ZNF721: variants seen among roughly 807,000 people sequenced by gnomAD.
ZNF721 encodes zinc finger protein 721.
In ZNF721, 2 loss-of-function variants were observed where a neutral mutation model predicts 2.4. The observed-to-expected ratio is 0.82, with a 90% CI of 0.34 to 2.58. ZNF721 has a LOEUF of 2.58. Among genes scored for constraint, ZNF721 ranks in the 30% most tolerant of loss-of-function variants. The pLI, the probability that ZNF721 is intolerant of heterozygous loss-of-function variation, is 0.11. For missense variants in ZNF721, 1,187 were observed against 1,085.5 expected, an observed-to-expected ratio of 1.09 and a Z score of -1.31; for synonymous variants, 398 against 381.8, an observed-to-expected ratio of 1.04 and a Z score of -0.50.
At chr4:479,449 A>G (rs1174826859) in intron 1 of ZNF721, among the ~76,000 whole-genome samples, 2 of 152,220 alleles carry the variant, frequency 1.3e-5, no homozygotes, top group Admixed American at 1.3e-4. Context: ...AGAGGCACAG[A>G]AACAGCACAG....
At position 450,948 on chromosome 4, in the gene ZNF721, AAAAAAAAAATATATATAT is replaced by A. The variant is rs1216789445; in HGVS notation, c.35-6534_35-6517del. On this transcript the variant is annotated intron_variant, in intron 2 of 2. Transcript: ENST00000511833. Reference sequence around the variant, plus strand: ...CAAGACTCTGTCTCCAAAAAAAAAAAAAAAAAAAATATATATATATATATATATATATATATATATATA... The same window carrying A: ...CAAGACTCTGTCTCCAAAAAAAAAAAATATATATATATATATATATATATA... 2.1e-3 allele frequency among the ~76,000 whole-genome samples: 98 copies of A among 46,390 alleles called. 5 individuals carry two copies. Among genetic ancestry groups the A allele is most frequent in the Admixed American group, 8.1e-3 (29 of 3,560 alleles). The allele number at this position is 46,390 out of a possible 152,430, so 30.4% of individuals were successfully genotyped here.
At chr4:468,819 G>T (rs1682748480) in intron 2 of ZNF721, among the ~76,000 whole-genome samples, 1 of 152,168 alleles carries the variant, frequency 6.6e-6, no homozygotes, top group South Asian at 2.1e-4. Context: ...CAGACACAGG[G>T]CTGCTTCAGG....
intron 2 of ZNF721, among the ~76,000 whole-genome samples, chr4:446,151 C>G (rs1206377941): frequency 6.6e-6 from 1 of 151,962 alleles, no homozygotes; most frequent in Non-Finnish European, 1.5e-5. Flanking sequence ...GAAAACCAAA[C>G]ATAATCATAC....
intron 1 of ZNF721, among the ~76,000 whole-genome samples, chr4:493,655 G>T (rs1436511081): frequency 2.7e-5 from 4 of 147,804 alleles, no homozygotes; most frequent in Non-Finnish European, 1.5e-5. Flanking sequence ...CTCCAGTCTG[G>T]GCAACAGAGG....
In ZNF721 at chr4:472,612, A is replaced by T. The variant is rs782820959; in HGVS notation, c.-4T>A. On this transcript the variant is annotated 5_prime_UTR_variant, in exon 2 of 3. The change abolishes an upstream ATG in the 5' untranslated region. Transcript: ENST00000511833. ...GGTTTCTGTAGTTCTCCAACATCAC[A>T]TCTCTATACAAATTCTGCTGGGCAG... 1 of 1,613,954 alleles carries T rather than the reference A, an allele frequency of 6.2e-7. No individual in the cohort carries two copies. The highest frequency in any genetic ancestry group is 8.5e-7 in the Non-Finnish European group (1 of 1,179,990).
chr4:457,703 A>G lies in ZNF721; in HGVS notation c.35-13271T>C, dbSNP rs1560231992. 3.3e-5 allele frequency among the ~76,000 whole-genome samples: 5 copies of G among 152,042 alleles called. 1 individual carries two copies. In the South Asian group the frequency reaches 1.0e-3, roughly 32 times the overall value. On this transcript the variant is annotated intron_variant, in intron 2 of 2. Coordinates refer to ENST00000511833, the MANE Select transcript of ZNF721 (RefSeq NM_133474.4). ...TGCCCCTGGATGTAGACTTGCCAAT[A>G]TTTATTTATGGTGGATCTTGACGTG...
rs782458115 is a variant in ZNF721, at chr4:443,960, T to G, written c.507A>C (p.Glu169Asp). 1.2e-6 allele frequency: 2 copies of G among 1,613,942 alleles called. No homozygotes were observed. Among genetic ancestry groups the G allele is most frequent in the Non-Finnish European group, 1.7e-6 (2 of 1,179,956 alleles). Reference protein sequence around the residue: ...HTGEKPYKCEECGKAFNRSTN... With the variant: ...HTGEKPYKCEDCGKAFNRSTN... ...TTGACCTATTAAAGGCTTTGCCACA[T>G]TCTTCACATTTGTAAGGTTTCTCTC... Residue 169 changes from glutamate (E) to aspartate (D), a missense_variant, in exon 3 of 3, where the codon GAA becomes GAC. Coordinates refer to ENST00000511833, the MANE Select transcript of ZNF721 (RefSeq NM_133474.4).
At chr4:495,633 ACT>A (rs782781977) in intron 1 of ZNF721, among the ~76,000 whole-genome samples, 15 of 151,288 alleles carry the variant, frequency 9.9e-5, no homozygotes, top group African/African-American at 3.2e-4. Context: ...ACGGAATCTC[ACT>A]CTGTTACCAG....
At chr4:467,035 G>A (rs535493476) in intron 2 of ZNF721, among the ~76,000 whole-genome samples, 13 of 152,042 alleles carry the variant, frequency 8.6e-5, no homozygotes, top group Admixed American at 7.2e-4. Flanking sequence ...TGGCTAACAC[G>A]GTGAAACCCC....
Position 440,553 on chromosome 4 carries a change from T to C in ZNF721, c.*1142A>G, listed in dbSNP as rs1410633774. On this transcript the variant is annotated 3_prime_UTR_variant, in exon 3 of 3. Coordinates refer to ENST00000511833, the MANE Select transcript of ZNF721 (RefSeq NM_133474.4). ...GTCTGAAGTGTTAGTTCCTTAGTTC[T>C]TTCTACTGTAAATCCTCTGATGTTT... The C allele has an allele frequency of 7.2e-5, 11 of 152,248 alleles. No individual in the cohort carries two copies. Among genetic ancestry groups the C allele is most frequent in the Non-Finnish European group, 1.5e-4 (10 of 68,032 alleles). The allele number at this position is 152,248 out of a possible 1,614,324, so 9.4% of individuals were successfully genotyped here.
At chr4:484,511 A>T (rs565296117) in intron 1 of ZNF721, among the ~76,000 whole-genome samples, 2 of 152,358 alleles carry the variant, frequency 1.3e-5, no homozygotes, top group African/African-American at 4.8e-5. Flanking sequence ...TGAATTCTTT[A>T]TCTCAGCAAG....
intron 1 of ZNF721, chr4:474,130 A>T: frequency 2.0e-6 from 2 of 1,008,382 alleles, no homozygotes; most frequent in Non-Finnish European, 2.8e-6. Flanking sequence ...AACCGAGCTC[A>T]GGCTGAAGCA....
intron 2 of ZNF721, 134 bp from the exon 3 acceptor site, chr4:444,566 A>G: frequency 2.2e-6 from 2 of 924,442 alleles, no homozygotes; most frequent in Non-Finnish European, 3.1e-6. Flanking sequence ...TTCTTCACAT[A>G]TACATGTAAC....
chr4:445,605 G>C (rs1381978049), intron 2 of ZNF721, among the ~76,000 whole-genome samples: 2 of 151,944 alleles, frequency 1.3e-5, no homozygotes, highest in African/African-American at 4.8e-5. Context: ...TGCTGAATCA[G>C]TTAACTGAAA....
At chr4:481,530 T>G (rs566881712) in intron 1 of ZNF721, among the ~76,000 whole-genome samples, 3 of 152,310 alleles carry the variant, frequency 2.0e-5, no homozygotes, top group Non-Finnish European at 4.4e-5. Context: ...AGTTATTCAC[T>G]TCTGGCTGTT....
In ZNF721 at chr4:443,700, T is replaced by G. The variant is rs1553863711; in HGVS notation, c.767A>C (p.Lys256Thr). 6.2e-7 allele frequency: 1 copy of G among 1,614,132 alleles called. No individual in the cohort carries two copies. Residue 256 changes from lysine (K) to threonine (T), a missense_variant, in exon 3 of 3, where the codon AAA (lysine) becomes ACA (threonine). Coordinates refer to ENST00000511833, the MANE Select transcript of ZNF721 (RefSeq NM_133474.4). The part of the protein sequence containing the change: ...EKPYKCKECG[K>T]VISSSSSFAK... The stretch of plus-strand genomic sequence containing the variant: ...AAAGCTTGAGGATGAGGAAATGACT[T>G]TGCCACATTCCTTACATTTGTAGGG...
At chr4:451,325 G>A (rs1380852093) in intron 2 of ZNF721, among the ~76,000 whole-genome samples, 2 of 152,030 alleles carry the variant, frequency 1.3e-5, no homozygotes, top group African/African-American at 2.4e-5. Flanking sequence ...ATTCCTATAC[G>A]TTAGTTATTG....
chr4:447,315 C>T (rs1486737582), intron 2 of ZNF721, among the ~76,000 whole-genome samples: 1 of 151,866 alleles, frequency 6.6e-6, no homozygotes, highest in East Asian at 1.9e-4. Context: ...GAGCAAGACT[C>T]CGTCTCAAAA....
intron 2 of ZNF721, among the ~76,000 whole-genome samples, chr4:450,208 A>G (rs1456191739): frequency 2.0e-5 from 3 of 149,352 alleles, no homozygotes; most frequent in African/African-American, 4.9e-5. Context: ...TATGTCAAAG[A>G]GAAATCTACA....
Sources: gnomAD v4.1 joint callset for allele counts (sites outside exome capture counted in the v4.1 genomes callset) on GRCh38, gnomAD v4.1.1 for gene constraint, MANE v1.5 for transcripts, NCBI Gene and HGNC (gene_info 2026-07-23, HGNC 2026-07-21) for gene names.